GRHL3: variants seen among roughly 807,000 people sequenced by gnomAD.
GRHL3 encodes the protein grainyhead-like protein 3 homolog.
GRHL3 carries 20 observed loss-of-function variants against 70.3 expected under a neutral mutation model. That is an observed-to-expected ratio of 0.28 (90% confidence interval 0.20 to 0.41). GRHL3 has a LOEUF of 0.41. Ranked by LOEUF, GRHL3 falls within the 10% of genes least tolerant of loss-of-function variation. The probability of loss-of-function intolerance (pLI) is 1.00; values close to 1 mark genes in which losing one functional copy is unlikely to be tolerated. For missense variants in GRHL3, 637 were observed against 762.3 expected (o/e 0.84, Z 1.94); for synonymous variants, 299 against 299.9 (o/e 1.00, Z 0.03).
downstream of GRHL3, chr1:24,358,571 T>A (rs758787696): frequency 1.2e-6 from 2 of 1,614,016 alleles, no homozygotes; most frequent in Admixed American, 3.3e-5. Flanking sequence ...TTTCTTGTCC[T>A]CGTTGTAGAG....
At chr1:24,363,274 T>C (rs1421859989) in intron 15 of GRHL3, among the ~76,000 whole-genome samples, 1 of 152,332 alleles carries the variant, frequency 6.6e-6, no homozygotes, top group Non-Finnish European at 1.5e-5. Flanking sequence ...TCCTTCAGTA[T>C]GCCCAGGAGA....
chr1:24,319,389 C>A lies in GRHL3; in HGVS notation c.-163C>A. ...GGCACCTGTACCTGTAGCCAATCAG[C>A]GCCAGCGCTGCTGGGAACCTACCTG... On this transcript the variant is annotated 5_prime_UTR_variant, in exon 1 of 16. Coordinates refer to ENST00000361548, the MANE Select transcript of GRHL3 (RefSeq NM_198173.3). 1 of 757,452 alleles carries A rather than the reference C, an allele frequency of 1.3e-6. No individual in the cohort carries two copies. The highest frequency in any genetic ancestry group is 1.5e-5 in the South Asian group (1 of 67,650). 46.9% of individuals were successfully genotyped at this position (757,452 alleles called of 1,614,324 possible).
chr1:24,336,912 T>G, intron 4 of GRHL3, 85 bp downstream of exon 4: 1 of 1,314,802 alleles, frequency 7.6e-7, no homozygotes, highest in Non-Finnish European at 1.1e-6. Context: ...GATCAGAGCT[T>G]TGGAATCCAT....
chr1:24,344,794 C>T, intron 11 of GRHL3, 103 bp from the exon 12 acceptor site: 2 of 1,294,472 alleles, frequency 1.5e-6, no homozygotes, highest in South Asian at 1.2e-5. Flanking sequence ...AGTATTCTCC[C>T]CACCTCCCAC....
At chr1:24,327,109 A>G (rs1639427269) in intron 1 of GRHL3, among the ~76,000 whole-genome samples, 1 of 152,148 alleles carries the variant, frequency 6.6e-6, no homozygotes, top group African/African-American at 2.4e-5. Context: ...TAACTGAGCA[A>G]TTATTCTCTG....
chr1:24,346,120 A>G (rs1054556117), intron 12 of GRHL3, among the ~76,000 whole-genome samples: 2 of 127,086 alleles, frequency 1.6e-5, no homozygotes, highest in South Asian at 2.8e-4. Flanking sequence ...CAGTCCTTCC[A>G]CCCCCCCACC....
intron 14 of GRHL3, among the ~76,000 whole-genome samples, chr1:24,348,019 A>G (rs770023863): frequency 1.3e-5 from 2 of 152,280 alleles, no homozygotes; most frequent in South Asian, 2.1e-4. Context: ...CCACACCACC[A>G]GAGAGTGGGC....
chr1:24,337,390 GT>G lies in GRHL3; in HGVS notation c.687-242del, dbSNP rs528505615. 306 of 590,550 alleles carry G rather than the reference GT, an allele frequency of 5.2e-4. No individual in the cohort carries two copies. In the East Asian group the frequency reaches 8.5e-3, roughly 16 times the overall value. The allele number at this position is 590,550 out of a possible 1,614,324, so 36.6% of individuals were successfully genotyped here. A position where few individuals can be genotyped will look rare whatever the true frequency, so the allele number is the denominator to read the frequency against. On this transcript the variant is annotated intron_variant, in intron 5 of 15. Transcript: ENST00000361548. Reference sequence around the variant, plus strand: ...GTTCTTTTATCCTTAGTTTTCCCTGGTTTTGTCACCCCTCAAGGTTCTCTCT... The same window carrying G: ...GTTCTTTTATCCTTAGTTTTCCCTGGTTTGTCACCCCTCAAGGTTCTCTCT...
At chr1:24,363,664 T>C (rs1200428425) in intron 15 of GRHL3, among the ~76,000 whole-genome samples, 1 of 152,224 alleles carries the variant, frequency 6.6e-6, no homozygotes, top group African/African-American at 2.4e-5. Flanking sequence ...TGAAATCTGT[T>C]CGAATAGAGG....
chr1:24,338,507 A>C (rs1189454079), intron 7 of GRHL3, among the ~76,000 whole-genome samples: 1 of 152,184 alleles, frequency 6.6e-6, no homozygotes, highest in African/African-American at 2.4e-5. Flanking sequence ...CCTGGTCCCC[A>C]TCCCTAGCCC....
rs371315901 is a variant in GRHL3 at position 24,337,971 on chromosome 1, T to A, written c.841-21T>A. 2.5e-6 allele frequency: 4 copies of A among 1,575,322 alleles called. No individual in the cohort carries two copies. In the African/African-American group the frequency reaches 5.4e-5, roughly 21 times the overall value. On this transcript the variant is annotated intron_variant, in intron 6 of 15. Transcript: ENST00000361548. ...GCTCTAGGAAGAGGCCGGGAGTGAC[T>A]GTGACCAACTGTGCTTGCAGAGTGT...
intron 1 of GRHL3, among the ~76,000 whole-genome samples, chr1:24,328,061 C>T (rs1053375299): frequency 9.8e-5 from 15 of 152,344 alleles, no homozygotes; most frequent in African/African-American, 1.9e-4. Flanking sequence ...ATCATCTTGC[C>T]GCCTTCCTCC....
chr1:24,359,911 C>G (rs893572720), downstream of GRHL3, among the ~76,000 whole-genome samples: 1 of 152,178 alleles, frequency 6.6e-6, no homozygotes, highest in Non-Finnish European at 1.5e-5. This position sits in a 1 kb window ranked among gnomAD's most constrained non-coding sequence, Gnocchi z 5.3. Context: ...CCAGATGTAA[C>G]AGGGGATCCC....
intron 11 of GRHL3, among the ~76,000 whole-genome samples, chr1:24,343,968 G>A (rs1180738821): frequency 6.6e-6 from 1 of 152,186 alleles, no homozygotes; most frequent in South Asian, 2.1e-4. Flanking sequence ...CTTGGGAGCT[G>A]CGCTGTGGCC....
chr1:24,364,357 G>C, exon 16 of GRHL3: 1 of 1,542,882 alleles, frequency 6.5e-7, no homozygotes, highest in Non-Finnish European at 8.7e-7. Context: ...GCACTTCACT[G>C]TAAACTCGGA....
In GRHL3 at chr1:24,319,582, G is replaced by A. The variant is rs776188255; in HGVS notation, c.17+14G>A. 5.0e-6 allele frequency: 8 copies of A among 1,613,818 alleles called. No homozygotes were observed. Among genetic ancestry groups the A allele is most frequent in the Non-Finnish European group, 6.8e-6 (8 of 1,179,888 alleles). The stretch of plus-strand genomic sequence containing the variant: ...GAATGAACTTGAGTGAGTAAACATC[G>A]GTGGATACCTGCCGCTCTCAGAGCG... On this transcript the variant is annotated intron_variant, in intron 1 of 15. Coordinates refer to ENST00000361548, the MANE Select transcript of GRHL3 (RefSeq NM_198173.3).
intron 1 of GRHL3, among the ~76,000 whole-genome samples, chr1:24,325,635 G>A (rs1639360862): frequency 6.6e-6 from 1 of 152,202 alleles, no homozygotes; most frequent in Non-Finnish European, 1.5e-5. Context: ...CCAGAATGAG[G>A]CATGTTGGAG....
At chr1:24,324,181 G>A (rs911208490) in intron 1 of GRHL3, among the ~76,000 whole-genome samples, 1 of 152,178 alleles carries the variant, frequency 6.6e-6, no homozygotes, top group African/African-American at 2.4e-5. Flanking sequence ...AATATAGCAT[G>A]AAAGAAAAAT....
At position 24,342,755 on chromosome 1, in the gene GRHL3, C is replaced by A. The variant is rs1640094060; in HGVS notation, c.1268C>A (p.Pro423His). Reference sequence around the variant, plus strand: ...CAGTTCCGGAGGAAGGTCAAGTGCCCTGACTCCAGCAACAGTGGTCAGTGG... The same window carrying A: ...CAGTTCCGGAGGAAGGTCAAGTGCCATGACTCCAGCAACAGTGGTCAGTGG... ...RKQFRRKVKC[P>H]DSSNSGVKGC... Residue 423 changes from proline to histidine, a missense_variant, in exon 10 of 16, where the codon CCT (proline) becomes CAT (histidine). Pro to His is a moderately conservative substitution (Grantham distance 77). Coordinates refer to ENST00000361548, the MANE Select transcript of GRHL3 (RefSeq NM_198173.3). The surrounding 1 kb of genome is among the most constrained non-coding windows in gnomAD (Gnocchi z 4.8). 1 of 1,614,186 alleles carries A rather than the reference C, an allele frequency of 6.2e-7. No individual in the cohort carries two copies. The highest frequency in any genetic ancestry group is 2.2e-5 in the East Asian group (1 of 44,882).
Sources: gnomAD v4.1 joint callset for allele counts (sites outside exome capture counted in the v4.1 genomes callset) on GRCh38, gnomAD v4.1.1 for gene constraint, Gnocchi (gnomAD v3.1) non-coding constraint, MANE v1.5 for transcripts, NCBI Gene and HGNC (gene_info 2026-07-23, HGNC 2026-07-21) for gene names.